The following CNTN2 variants were observed in gnomAD, a reference collection of about 807,000 sequenced individuals.
The protein encoded by CNTN2 is contactin 2, also known as contactin-2.
In CNTN2, 53 loss-of-function variants were observed where a neutral mutation model predicts 117.5. The ratio of observed to expected loss-of-function variants is 0.45; its 90% CI spans 0.36 to 0.57. The LOEUF is 0.57. Ranked by LOEUF, CNTN2 falls within the 20% of genes least tolerant of loss-of-function variation. CNTN2 has a pLI of 0.00. For synonymous variants in CNTN2, 530 were observed against 561.7 expected (o/e 0.94, Z 0.80); for missense variants, 1,106 against 1,404.3 (o/e 0.79, Z 3.39).
chr1:205,061,290 C>T lies in CNTN2; in HGVS notation c.843C>T (p.Ser281=), dbSNP rs150754227. 23 of 1,613,838 alleles carry T rather than the reference C, an allele frequency of 1.4e-5. No homozygotes were observed. In the African/African-American group the frequency reaches 2.7e-4, roughly 19 times the overall value. The change falls in exon 8 of 23, where the codon TCC becomes TCT. Residue 281 remains serine, a synonymous_variant. Transcript: ENST00000331830. This position sits in a 1 kb window ranked among gnomAD's most constrained non-coding sequence, Gnocchi z 4.8. ...IKWRKVDGSL[S]PQWTTAEPTL... is the part of the protein sequence containing the mutation. ...GGCGCAAAGTGGACGGCTCCCTGTC[C>T]CCGCAGTGGACCACAGCTGAGCCCA...
chr1:205,062,406 C>A, intron 9 of CNTN2, 34 bp from the exon 10 acceptor site: 1 of 1,589,922 alleles, frequency 6.3e-7, no homozygotes, highest in Non-Finnish European at 8.6e-7. Context: ...TCCTGTGGTC[C>A]TGATCCCCCT....
Position 205,069,543 on chromosome 1 carries a change from G to C in CNTN2, c.2178G>C (p.Glu726Asp), listed in dbSNP as rs1159334970. Residue 726 changes from glutamate to aspartate, a missense_variant, in exon 17 of 23, where the codon GAG becomes GAC. Glu to Asp is a conservative substitution (Grantham distance 45). Transcript: ENST00000331830. ...GCGGAGGAGGTGGAGCCCCCGGAGAGCTCATCGTCAACTGGACGGTAAGCT... is the reference window on the plus strand; with the variant it reads ...GCGGAGGAGGTGGAGCCCCCGGAGACCTCATCGTCAACTGGACGGTAAGCT... ...GLSGGGGAPGELIVNWTPMSR... is the reference protein window; with the variant it reads ...GLSGGGGAPGDLIVNWTPMSR... 11 of 1,613,640 alleles carry C rather than the reference G, an allele frequency of 6.8e-6. No individual in the cohort carries two copies. Among genetic ancestry groups the C allele is most frequent in the Non-Finnish European group, 6.8e-6 (8 of 1,180,036 alleles).
In CNTN2 at chr1:205,074,861, C is replaced by G; in HGVS notation, c.*1096C>G. 2.5e-6 allele frequency: 1 copy of G among 398,596 alleles called. No homozygotes were observed. Among genetic ancestry groups the G allele is most frequent in the Non-Finnish European group, 4.4e-6 (1 of 226,072 alleles). 24.7% of individuals were successfully genotyped at this position (398,596 alleles called of 1,614,324 possible). A position where few individuals can be genotyped will look rare whatever the true frequency, so the allele number is the denominator to read the frequency against. ...GTGGCCCTGCCTGCTCCCAGGTATA[C>G]CTAGGACCACCTGGCCAGATCCGCT... On this transcript the variant is annotated 3_prime_UTR_variant, in exon 23 of 23. Transcript: ENST00000331830.
chr1:205,063,816 G>A (rs908624495), intron 10 of CNTN2, among the ~76,000 whole-genome samples: 1 of 151,948 alleles, frequency 6.6e-6, no homozygotes, highest in Admixed American at 6.6e-5. Flanking sequence ...CCAGCCGCGT[G>A]AAGATCTGGG....
intron 2 of CNTN2, among the ~76,000 whole-genome samples, chr1:205,054,989 TTTG>T (rs559027768): frequency 7.2e-5 from 11 of 151,864 alleles, no homozygotes; most frequent in African/African-American, 9.7e-5. Context: ...GAGAGTGTGT[TTTG>T]TTGTTGTTGT....
At chr1:205,057,833 A>G in intron 2 of CNTN2, 88 bp from the exon 3 acceptor site, 1 of 1,479,720 alleles carries the variant, frequency 6.8e-7, no homozygotes, top group Non-Finnish European at 9.1e-7. Flanking sequence ...CCATCATCAG[A>G]GAAAGTTTTA....
intron 1 of CNTN2, among the ~76,000 whole-genome samples, chr1:205,050,672 GCAA>G (rs1368226109): frequency 6.6e-6 from 1 of 152,110 alleles, no homozygotes; most frequent in Non-Finnish European, 1.5e-5. Flanking sequence ...AGGCTGCAGT[GCAA>G]TGGCATGATG....
At chr1:205,070,212 G>C (rs903483668) in intron 18 of CNTN2, 151 bp downstream of exon 18, 20 of 802,168 alleles carry the variant, frequency 2.5e-5, no homozygotes, top group Non-Finnish European at 3.8e-5. Flanking sequence ...CTCACTTCCA[G>C]CTCTTGCTAC....
chr1:205,075,959 G>A lies in CNTN2; in HGVS notation c.*2194G>A, dbSNP rs1572993. The A allele has an allele frequency of 0.48, 72,756 of 152,066 alleles. 18,450 individuals carry two copies. The highest frequency in any genetic ancestry group is 0.93 in the East Asian group (4,787 of 5,168). The allele number at this position is 152,066 out of a possible 1,614,324, so 9.4% of individuals were successfully genotyped here. ...TTCGTTCCTCATTGCCTCGGGCTGC[G>A]TCAGGGGAAGCAGGGGACAGGTGTC... On this transcript the variant is annotated 3_prime_UTR_variant, in exon 23 of 23. Transcript: ENST00000331830.
At position 205,074,259 on chromosome 1, in the gene CNTN2, C is replaced by A; in HGVS notation, c.*494C>A. The A allele has an allele frequency of 2.5e-6, 1 of 407,036 alleles. No individual in the cohort carries two copies. The highest frequency in any genetic ancestry group is 4.3e-6 in the Non-Finnish European group (1 of 230,488). The allele number at this position is 407,036 out of a possible 1,614,324, so 25.2% of individuals were successfully genotyped here. On this transcript the variant is annotated 3_prime_UTR_variant, in exon 23 of 23. Coordinates refer to ENST00000331830, the MANE Select transcript of CNTN2 (RefSeq NM_005076.5). ...CAAGCCCTGGGACCAAGAGCTCTCCCGCCTTCTCCCTCGAGCAGCAGCAAG... is the reference window on the plus strand; with the variant it reads ...CAAGCCCTGGGACCAAGAGCTCTCCAGCCTTCTCCCTCGAGCAGCAGCAAG...
chr1:205,048,956 TG>T lies in CNTN2; in HGVS notation c.-86-4143del, dbSNP rs2096447145. ...GTGTGTGTGTGTGTGTGTGTGTGTG[TG>T]TGTTCACCCAAGGCTGTGGCACACA... On this transcript the variant is annotated intron_variant, in intron 1 of 22. Transcript: ENST00000331830. The surrounding 1 kb of genome is among the most constrained non-coding windows in gnomAD (Gnocchi z 4.1). 3.9e-5 allele frequency among the ~76,000 whole-genome samples: 5 copies of T among 129,252 alleles called. No individual in the cohort carries two copies. In the Admixed American group the frequency reaches 4.2e-4, roughly 11 times the overall value. 84.8% of individuals were successfully genotyped at this position (129,252 alleles called of 152,430 possible). A position where few individuals can be genotyped will look rare whatever the true frequency, so the allele number is the denominator to read the frequency against.
Position 205,073,800 on chromosome 1 carries a change from G to T in CNTN2, c.*35G>T. The T allele has an allele frequency of 6.4e-7, 1 of 1,568,290 alleles. No homozygotes were observed. ...CCCTCCCTCTGCGCCGCAGCTGGAC[G>T]CCACCTCCGACGGACACAGCCAGCC... On this transcript the variant is annotated 3_prime_UTR_variant, in exon 23 of 23. Transcript: ENST00000331830. This position sits in a 1 kb window ranked among gnomAD's most constrained non-coding sequence, Gnocchi z 6.3.
rs1653770612 is a variant in CNTN2 at position 205,058,287 on chromosome 1, G to T, written c.322G>T (p.Val108Phe). 1 of 1,532,590 alleles carries T rather than the reference G, an allele frequency of 6.5e-7. No homozygotes were observed. 94.9% of individuals were successfully genotyped at this position (1,532,590 alleles called of 1,614,324 possible). A position where few individuals can be genotyped will look rare whatever the true frequency, so the allele number is the denominator to read the frequency against. Residue 108 changes from valine to phenylalanine, a missense_variant, in exon 4 of 23, where the codon GTC becomes TTC. Physicochemically the swap from Val to Phe is conservative, Grantham distance 50 (BLOSUM62 -1). Coordinates refer to ENST00000331830, the MANE Select transcript of CNTN2 (RefSeq NM_005076.5). The surrounding 1 kb of genome is among the most constrained non-coding windows in gnomAD (Gnocchi z 4.3). ...MNPTKAQDAG[V>F]YQCLASNPVG... ...CCCCACCAAGGCACAGGATGCCGGG[G>T]TCTACCAGTGCCTGGCCTCCAACCC...
At chr1:205,047,456 A>C (rs770456578) in intron 1 of CNTN2, among the ~76,000 whole-genome samples, 10 of 152,044 alleles carry the variant, frequency 6.6e-5, no homozygotes, top group Non-Finnish European at 1.3e-4. Context: ...AAAGGTACTG[A>C]TCTTAGATCC....
chr1:205,060,726 A>AG (rs1417348654), intron 7 of CNTN2: 22 of 146,080 alleles, frequency 1.5e-4, no homozygotes, highest in South Asian at 1.0e-3. Context: ...AAAAAAAAAA[A>AG]AAAAAAAAGA....
chr1:205,062,531 A>C lies in CNTN2; in HGVS notation c.1202A>C (p.His401Pro). The C allele has an allele frequency of 6.2e-7, 1 of 1,614,054 alleles. No individual in the cohort carries two copies. The highest frequency in any genetic ancestry group is 8.5e-7 in the Non-Finnish European group (1 of 1,179,968). Residue 401 changes from histidine (H) to proline (P), a missense_variant, in exon 10 of 23, where the codon CAC (histidine) becomes CCC (proline). Physicochemically the swap from His to Pro is moderately conservative, Grantham distance 77. Coordinates refer to ENST00000331830, the MANE Select transcript of CNTN2 (RefSeq NM_005076.5). The part of the protein sequence containing the change: ...GMYQCVAENK[H>P]GTIYASAELA... ...TACCAGTGTGTGGCAGAGAATAAGC[A>C]CGGTACCATCTACGCCAGCGCCGAG...
At chr1:205,046,286 C>G (rs758174918) in intron 1 of CNTN2, among the ~76,000 whole-genome samples, 3 of 152,228 alleles carry the variant, frequency 2.0e-5, no homozygotes, top group Non-Finnish European at 4.4e-5. Context: ...AGGACACACT[C>G]AGGCCCAAAC....
intron 1 of CNTN2, among the ~76,000 whole-genome samples, chr1:205,049,066 C>T (rs1305974844): frequency 5.9e-5 from 9 of 151,902 alleles, no homozygotes; most frequent in Non-Finnish European, 2.9e-5. Context: ...GATCCCAGCC[C>T]CTCCCCTGCA....
intron 1 of CNTN2, among the ~76,000 whole-genome samples, chr1:205,051,827 T>A (rs1355353213): frequency 6.6e-6 from 1 of 152,188 alleles, no homozygotes; most frequent in Non-Finnish European, 1.5e-5. Context: ...TAGAGTGTGA[T>A]GTGAGACAGG....
Sources: gnomAD v4.1 joint callset for allele counts (sites outside exome capture counted in the v4.1 genomes callset) on GRCh38, gnomAD v4.1.1 for gene constraint, Gnocchi (gnomAD v3.1) non-coding constraint, MANE v1.5 for transcripts, NCBI Gene and HGNC (gene_info 2026-07-23, HGNC 2026-07-21) for gene names.